Variants in NTNG1 observed in about 807,000 individuals in gnomAD.
NTNG1 encodes netrin G1.
Under a neutral mutation model 54.0 loss-of-function variants are expected in NTNG1, and 16 were observed. The ratio of observed to expected loss-of-function variants is 0.30; its 90% CI spans 0.20 to 0.45. The LOEUF is 0.45. Among genes scored for constraint, NTNG1 ranks in the 20% least tolerant of loss-of-function variants. The pLI, the probability that NTNG1 is intolerant of heterozygous loss-of-function variation, is 1.00. For missense variants in NTNG1, 530 were observed against 678.7 expected (o/e 0.78, Z 2.43); for synonymous variants, 255 against 263.1 (o/e 0.97, Z 0.30).
At chr1:107,440,125 T>C (rs1246032781) in intron 7 of NTNG1, among the ~76,000 whole-genome samples, 1 of 151,516 alleles carries the variant, frequency 6.6e-6, no homozygotes, top group African/African-American at 2.4e-5. Flanking sequence ...GAGCTGAGAG[T>C]AAGCAGGCAT....
intron 7 of NTNG1, among the ~76,000 whole-genome samples, chr1:107,462,785 G>C (rs1677356674): frequency 1.3e-5 from 2 of 152,304 alleles, no homozygotes; most frequent in Non-Finnish European, 1.5e-5. Context: ...GTTACCATTT[G>C]TTGGTAAGAT....
At chr1:107,452,683 T>C (rs35518635) in intron 7 of NTNG1, among the ~76,000 whole-genome samples, 63,160 of 151,974 alleles carry the variant, frequency 0.42, 13,272 homozygotes, top group East Asian at 0.49. Context: ...CCCCTTGGGT[T>C]TTCTTTCTTT....
At chr1:107,449,449 T>C (rs1428406221) in intron 7 of NTNG1, among the ~76,000 whole-genome samples, 1 of 151,952 alleles carries the variant, frequency 6.6e-6, no homozygotes, top group African/African-American at 2.4e-5. Context: ...AGAGATTTAA[T>C]CCAGCCGTGA....
chr1:107,172,914 T>C (rs1271019413), intron 2 of NTNG1, among the ~76,000 whole-genome samples: 1 of 152,180 alleles, frequency 6.6e-6, no homozygotes, highest in East Asian at 1.9e-4. Flanking sequence ...TTTGGCAATG[T>C]CCTTCTGCAG....
intron 7 of NTNG1, among the ~76,000 whole-genome samples, chr1:107,439,257 A>T (rs1400738124): frequency 6.9e-6 from 1 of 144,568 alleles, no homozygotes; most frequent in East Asian, 2.0e-4. Flanking sequence ...TTGAGCTAAC[A>T]CACTGTGTTC....
At chr1:107,299,991 T>C (rs1666225551) in intron 2 of NTNG1, among the ~76,000 whole-genome samples, 1 of 152,192 alleles carries the variant, frequency 6.6e-6, no homozygotes, top group Admixed American at 6.5e-5. Context: ...ATAACAACAG[T>C]GCTTCATGGC....
chr1:107,385,304 C>A (rs988191605), intron 3 of NTNG1, among the ~76,000 whole-genome samples: 3 of 152,086 alleles, frequency 2.0e-5, no homozygotes, highest in Admixed American at 6.6e-5. Flanking sequence ...CTCACCGCCA[C>A]GCCACTACTC....
intron 7 of NTNG1, among the ~76,000 whole-genome samples, chr1:107,466,018 G>A (rs1429793844): frequency 6.6e-6 from 1 of 151,898 alleles, no homozygotes; most frequent in East Asian, 1.9e-4. Context: ...GACATTTCAT[G>A]TTGTGGAGTA....
chr1:107,307,656 G>T (rs536984824), intron 2 of NTNG1, among the ~76,000 whole-genome samples: 1 of 152,314 alleles, frequency 6.6e-6, no homozygotes, highest in East Asian at 1.9e-4. Context: ...ATTTGTTCCA[G>T]TTGTCCAGAC....
At chr1:107,211,910 T>G (rs1659619003) in intron 2 of NTNG1, among the ~76,000 whole-genome samples, 1 of 152,208 alleles carries the variant, frequency 6.6e-6, no homozygotes, top group South Asian at 2.1e-4. Context: ...GAATTTCTTA[T>G]CAGTTTATGG....
At chr1:107,155,616 T>C (rs1230184382) in intron 2 of NTNG1, among the ~76,000 whole-genome samples, 2 of 152,174 alleles carry the variant, frequency 1.3e-5, no homozygotes, top group African/African-American at 4.8e-5. Context: ...AGTGGGTCAC[T>C]ACTCTTTAAG....
At chr1:107,286,561 A>G (rs1419463666) in intron 2 of NTNG1, among the ~76,000 whole-genome samples, 1 of 152,176 alleles carries the variant, frequency 6.6e-6, no homozygotes, top group Non-Finnish European at 1.5e-5. Context: ...GATTATGCAG[A>G]GGCATTATAT....
intron 2 of NTNG1, among the ~76,000 whole-genome samples, chr1:107,304,176 T>C (rs533292466): frequency 2.0e-5 from 3 of 152,290 alleles, no homozygotes; most frequent in East Asian, 3.9e-4. Flanking sequence ...TCTGGCACTA[T>C]TGATCACATA....
At chr1:107,260,162 C>T (rs1339574774) in intron 2 of NTNG1, among the ~76,000 whole-genome samples, 1 of 152,168 alleles carries the variant, frequency 6.6e-6, no homozygotes, top group Admixed American at 6.5e-5. Flanking sequence ...GATCCTCTCA[C>T]GATACTAGTG....
At chr1:107,446,826 C>T (rs1676333503) in intron 7 of NTNG1, among the ~76,000 whole-genome samples, 1 of 152,056 alleles carries the variant, frequency 6.6e-6, no homozygotes, top group Non-Finnish European at 1.5e-5. Flanking sequence ...TCATAAATAC[C>T]ATAAATACAG....
chr1:107,389,197 T>C (rs1672208179), intron 3 of NTNG1, among the ~76,000 whole-genome samples: 1 of 152,250 alleles, frequency 6.6e-6, no homozygotes, highest in African/African-American at 2.4e-5. Flanking sequence ...CTAAACTTCA[T>C]CCACTTCATG....
chr1:107,361,234 C>T (rs1016217413), intron 3 of NTNG1, among the ~76,000 whole-genome samples: 18 of 135,646 alleles, frequency 1.3e-4, no homozygotes, highest in African/African-American at 4.9e-4. Context: ...ATAAAATAAA[C>T]ATATAAATTA....
At chr1:107,437,751 A>C (rs985036850) in intron 7 of NTNG1, among the ~76,000 whole-genome samples, 1 of 152,168 alleles carries the variant, frequency 6.6e-6, no homozygotes, top group African/African-American at 2.4e-5. Context: ...TTCAACATAT[A>C]ACTAATATCA....
At chr1:107,204,472 C>CA (rs1659022591) in intron 2 of NTNG1, among the ~76,000 whole-genome samples, 1 of 152,102 alleles carries the variant, frequency 6.6e-6, no homozygotes, top group Non-Finnish European at 1.5e-5. Flanking sequence ...CCTGAGACTT[C>CA]ACAGAGAGGG....
Sources: gnomAD v4.1 joint callset for allele counts (sites outside exome capture counted in the v4.1 genomes callset) on GRCh38, gnomAD v4.1.1 for gene constraint, MANE v1.5 for transcripts, NCBI Gene and HGNC (gene_info 2026-07-23, HGNC 2026-07-21) for gene names.